CWF19L2: variants seen among roughly 807,000 people sequenced by gnomAD.
The protein encoded by CWF19L2 is CWF19 like cell cycle control factor 2, also known as CWF19-like protein 2.
A neutral mutation model predicts 111.7 loss-of-function variants in CWF19L2; 98 were observed. That is an observed-to-expected ratio of 0.88 (90% CI 0.75 to 1.04). CWF19L2 has a LOEUF of 1.04. CWF19L2 is among the 50% of genes least tolerant of loss of function. The pLI is 0.00. For missense variants in CWF19L2, 1,101 were observed against 1,051.4 expected, an observed-to-expected ratio of 1.05 and a Z score of -0.65; for synonymous variants, 351 against 342.9, an observed-to-expected ratio of 1.02 and a Z score of -0.26.
chr11:107,335,028 C>A (rs1859902334), intron 15 of CWF19L2, 67 bp from the exon 16 acceptor site: 1 of 949,756 alleles, frequency 1.1e-6, no homozygotes, highest in Admixed American at 1.8e-5. Flanking sequence ...CAGCTTATAA[C>A]AAGTAATATA....
intron 14 of CWF19L2, among the ~76,000 whole-genome samples, chr11:107,340,991 G>T (rs1187173095): frequency 6.6e-6 from 1 of 152,072 alleles, no homozygotes; most frequent in East Asian, 1.9e-4. Flanking sequence ...GCATTTTTGA[G>T]ATCTTTTACA....
chr11:107,361,915 G>A (rs987525569), intron 12 of CWF19L2, among the ~76,000 whole-genome samples: 3 of 152,170 alleles, frequency 2.0e-5, no homozygotes, highest in African/African-American at 7.2e-5. Context: ...TGAGGTACCG[G>A]GTTCATCTCA....
intron 14 of CWF19L2, among the ~76,000 whole-genome samples, chr11:107,341,981 T>C (rs1860011526): frequency 6.6e-6 from 1 of 152,130 alleles, no homozygotes. Context: ...GCTGGAAGTT[T>C]ATTAATTTAT....
chr11:107,415,049 T>A (rs750711841), intron 10 of CWF19L2, among the ~76,000 whole-genome samples: 6 of 152,136 alleles, frequency 3.9e-5, no homozygotes, highest in Non-Finnish European at 5.9e-5. Flanking sequence ...GAAAAAAAAG[T>A]CCACCTCCTT....
chr11:107,347,364 T>A (rs1373442502), intron 14 of CWF19L2, among the ~76,000 whole-genome samples: 1 of 151,812 alleles, frequency 6.6e-6, no homozygotes, highest in East Asian at 1.9e-4. Context: ...ATAAAAGAGG[T>A]GAATAATCAA....
At position 107,372,453 on chromosome 11, in the gene CWF19L2, C is replaced by G. The variant is rs549823863; in HGVS notation, c.1872+17621G>C. Among the ~76,000 whole-genome samples the G allele has an allele frequency of 5.2e-5, 7 of 135,252 alleles. 2 individuals are homozygous for G. Among genetic ancestry groups the G allele is most frequent in the Admixed American group, 1.4e-4 (2 of 13,806 alleles). The allele number at this position is 135,252 out of a possible 152,430, so 88.7% of individuals were successfully genotyped here. A position where few individuals can be genotyped will look rare whatever the true frequency, so the allele number is the denominator to read the frequency against. On this transcript the variant is annotated intron_variant, in intron 12 of 17. Transcript: ENST00000282251. The stretch of plus-strand genomic sequence containing the variant: ...TTGAGAAACTGAATGAAAATCAACA[C>G]GGATGGAGCAGAGGAAGCAAAACAA...
At chr11:107,354,997 A>T (rs1470109141) in intron 12 of CWF19L2, among the ~76,000 whole-genome samples, 1 of 152,220 alleles carries the variant, frequency 6.6e-6, no homozygotes, top group Non-Finnish European at 1.5e-5. Context: ...ACTACACTGT[A>T]TCACACTCAT....
chr11:107,343,415 C>A (rs561354200), intron 14 of CWF19L2, among the ~76,000 whole-genome samples: 1 of 151,908 alleles, frequency 6.6e-6, no homozygotes, highest in Admixed American at 6.6e-5. Context: ...CTTTATCTGG[C>A]ATAAATGCTT....
At chr11:107,431,861 ATAAT>A (rs1223732574) in intron 7 of CWF19L2, among the ~76,000 whole-genome samples, 1 of 152,180 alleles carries the variant, frequency 6.6e-6, no homozygotes, top group African/African-American at 2.4e-5. Context: ...GTGAGAAAAA[ATAAT>A]TCATTCAATA....
At chr11:107,418,406 C>T (rs1861257947) in intron 8 of CWF19L2, 119 bp from the exon 9 acceptor site, 2 of 692,582 alleles carry the variant, frequency 2.9e-6, no homozygotes, top group Admixed American at 2.1e-5. Context: ...AATAGCAGAT[C>T]ATGATTGTAA....
chr11:107,443,136 C>A, intron 3 of CWF19L2, 87 bp from the exon 4 acceptor site: 2 of 896,812 alleles, frequency 2.2e-6, no homozygotes, highest in Non-Finnish European at 1.8e-6. Context: ...AGAAATTCAA[C>A]ATCGTAGAAA....
Position 107,410,726 on chromosome 11 carries a change from C to T in CWF19L2, c.1617+5483G>A, listed in dbSNP as rs1413413341. On this transcript the variant is annotated intron_variant, in intron 10 of 17. Transcript: ENST00000282251. ...AATTATTCAGTCATATCCTCAAAAC[C>T]GTAGGAGAAATGTTATTTAACAGAA... Among the ~76,000 whole-genome samples the T allele has an allele frequency of 4.6e-5, 7 of 152,068 alleles. No individual in the cohort carries two copies. The East Asian group carries it at 5.8e-4, about 13-fold the overall frequency.
intron 6 of CWF19L2, 32 bp downstream of exon 6, chr11:107,439,058 C>A: frequency 2.2e-6 from 1 of 453,842 alleles, no homozygotes; most frequent in South Asian, 2.9e-5. Context: ...AAAAAAAAAC[C>A]CTGTGTGTCT....
intron 12 of CWF19L2, among the ~76,000 whole-genome samples, chr11:107,362,004 G>T (rs12280224): frequency 2.6e-4 from 40 of 152,262 alleles, no homozygotes; most frequent in South Asian, 4.2e-4. Context: ...AGGCATTGCC[G>T]CACTTGGGAA....
intron 5 of CWF19L2, among the ~76,000 whole-genome samples, chr11:107,440,809 A>C (rs1861610328): frequency 6.6e-6 from 1 of 152,232 alleles, no homozygotes. Flanking sequence ...AAAAAACATG[A>C]AAAGACCTCT....
intron 12 of CWF19L2, among the ~76,000 whole-genome samples, chr11:107,367,544 G>A (rs1435041952): frequency 7.7e-6 from 1 of 130,606 alleles, no homozygotes; most frequent in East Asian, 2.3e-4. Flanking sequence ...GGATGAAATC[G>A]GAAATCATCA....
At chr11:107,447,847 C>T (rs1160280421) in intron 3 of CWF19L2, among the ~76,000 whole-genome samples, 2 of 151,800 alleles carry the variant, frequency 1.3e-5, no homozygotes, top group East Asian at 3.9e-4. Context: ...CAGGAAAAAA[C>T]AAGAGAAAAT....
At chr11:107,341,189 C>G (rs12364307) in intron 14 of CWF19L2, among the ~76,000 whole-genome samples, 23,823 of 152,170 alleles carry the variant, frequency 0.16, 2,140 homozygotes, top group Middle Eastern at 0.26. Flanking sequence ...AAACTGGACC[C>G]TAAGCACATT....
intron 12 of CWF19L2, among the ~76,000 whole-genome samples, chr11:107,377,940 T>C (rs1860618225): frequency 2.0e-5 from 3 of 151,584 alleles, no homozygotes; most frequent in South Asian, 4.2e-4. Flanking sequence ...AACAACCCCA[T>C]CAACAAGTGG....
Sources: gnomAD v4.1 joint callset for allele counts (sites outside exome capture counted in the v4.1 genomes callset) on GRCh38, gnomAD v4.1.1 for gene constraint, MANE v1.5 for transcripts, NCBI Gene and HGNC (gene_info 2026-07-23, HGNC 2026-07-21) for gene names.